Variants in DLG2 observed in about 807,000 individuals in gnomAD.
DLG2 encodes disks large homolog 2.
A neutral mutation model predicts 132.5 loss-of-function variants in DLG2; 45 were observed. The ratio of observed to expected loss-of-function variants is 0.34; its 90% CI spans 0.27 to 0.44. The LOEUF (loss-of-function observed/expected upper bound fraction) is 0.44. Ranked by LOEUF, DLG2 falls within the 20% of genes least tolerant of loss-of-function variation. The pLI is 1.00. For missense variants in DLG2, 1,045 were observed against 1,196.9 expected (o/e 0.87, Z 1.87); for synonymous variants, 424 against 419.6 (o/e 1.01, Z -0.13).
At chr11:84,443,679 T>C (rs1417196048) in intron 7 of DLG2, among the ~76,000 whole-genome samples, 1 of 152,218 alleles carries the variant, frequency 6.6e-6, no homozygotes, top group Admixed American at 6.5e-5. Context: ...TTCATACATT[T>C]ATTGGTTATT....
At chr11:83,834,938 T>A (rs950362542) in intron 16 of DLG2, among the ~76,000 whole-genome samples, 18 of 152,166 alleles carry the variant, frequency 1.2e-4, no homozygotes, top group African/African-American at 4.1e-4. Flanking sequence ...CTTAATGATG[T>A]AAGAATGAGA....
At chr11:84,506,136 C>T (rs927264552) in intron 7 of DLG2, among the ~76,000 whole-genome samples, 13 of 139,772 alleles carry the variant, frequency 9.3e-5, no homozygotes, top group South Asian at 2.3e-4. Context: ...AGTGCAGTGG[C>T]GGGATCTCGG....
At chr11:85,544,260 A>G (rs191356294) in intron 3 of DLG2, among the ~76,000 whole-genome samples, 89 of 152,202 alleles carry the variant, frequency 5.8e-4, no homozygotes, top group African/African-American at 2.1e-3. Context: ...CCTTTCCCCA[A>G]TGCTTGCTTT....
chr11:84,718,130 T>G (rs2061425379), intron 6 of DLG2, among the ~76,000 whole-genome samples: 1 of 152,100 alleles, frequency 6.6e-6, no homozygotes, highest in South Asian at 2.1e-4. Context: ...CCATCTATAA[T>G]TAACCTTCTG....
intron 8 of DLG2, among the ~76,000 whole-genome samples, chr11:84,181,369 A>G (rs1221758553): frequency 5.3e-5 from 8 of 151,966 alleles, no homozygotes; most frequent in Admixed American, 4.6e-4. Context: ...TATATTAATA[A>G]AGAAAATAAA....
chr11:83,671,197 T>C lies in DLG2; in HGVS notation c.1826-37872A>G, dbSNP rs539101175. Reference sequence around the variant, plus strand: ...CCTGCAACGTGGTATTCTATTAATATTAAATGAAAATGTGTGAATTATCTA... The same window carrying C: ...CCTGCAACGTGGTATTCTATTAATACTAAATGAAAATGTGTGAATTATCTA... On this transcript the variant is annotated intron_variant, in intron 18 of 27. Coordinates refer to ENST00000376104, the MANE Select transcript of DLG2 (RefSeq NM_001142699.3). 2.4e-4 allele frequency among the ~76,000 whole-genome samples: 37 copies of C among 152,362 alleles called. No homozygotes were observed. In the South Asian group the frequency reaches 5.0e-3, roughly 20 times the overall value.
At chr11:83,623,945 G>T (rs1400263446) in intron 19 of DLG2, among the ~76,000 whole-genome samples, 1 of 152,132 alleles carries the variant, frequency 6.6e-6, no homozygotes. Flanking sequence ...TGTCTAGTTT[G>T]TTCTAGAAAG....
intron 10 of DLG2, among the ~76,000 whole-genome samples, chr11:84,068,901 G>C (rs2096716687): frequency 6.6e-6 from 1 of 152,122 alleles, no homozygotes; most frequent in South Asian, 2.1e-4. Flanking sequence ...ATGATGTCTA[G>C]GAAATCTCAA....
At chr11:84,493,324 C>A (rs944774632) in intron 7 of DLG2, among the ~76,000 whole-genome samples, 9 of 152,038 alleles carry the variant, frequency 5.9e-5, no homozygotes, top group Non-Finnish European at 4.4e-5. Flanking sequence ...TTTTGCTAAG[C>A]AGAACAAAGA....
intron 10 of DLG2, among the ~76,000 whole-genome samples, chr11:84,065,039 C>T (rs4322419): frequency 0.79 from 120,860 of 152,128 alleles, 49,249 homozygotes; most frequent in Middle Eastern, 0.92. Context: ...CAATTCGACC[C>T]CTTCCTTAAA....
intron 3 of DLG2, among the ~76,000 whole-genome samples, chr11:85,310,886 T>C (rs1053432134): frequency 2.6e-5 from 4 of 152,210 alleles, no homozygotes; most frequent in Non-Finnish European, 5.9e-5. Flanking sequence ...ATGTATGCTC[T>C]GTAAATATCT....
intron 6 of DLG2, among the ~76,000 whole-genome samples, chr11:84,574,022 G>A (rs529014719): frequency 1.3e-3 from 193 of 152,184 alleles, no homozygotes; most frequent in Non-Finnish European, 2.2e-3. Context: ...GACTAGGGAG[G>A]GGCAAAACTT....
chr11:85,443,558 G>C (rs1328294649), intron 3 of DLG2, among the ~76,000 whole-genome samples: 3 of 152,172 alleles, frequency 2.0e-5, no homozygotes, highest in Non-Finnish European at 2.9e-5. Context: ...AGACTTGTGT[G>C]ACTCTTAAAT....
chr11:84,954,720 C>A (rs962062385), intron 6 of DLG2, among the ~76,000 whole-genome samples: 1 of 152,146 alleles, frequency 6.6e-6, no homozygotes, highest in Non-Finnish European at 1.5e-5. Context: ...ATTGTCTAGA[C>A]AGTCCCCTAT....
intron 15 of DLG2, among the ~76,000 whole-genome samples, chr11:83,925,406 T>C (rs2078786282): frequency 6.6e-6 from 1 of 152,182 alleles, no homozygotes; most frequent in South Asian, 2.1e-4. Flanking sequence ...TTTAATTTCT[T>C]TAAATTTGTT....
intron 19 of DLG2, among the ~76,000 whole-genome samples, chr11:83,602,939 T>C (rs2058773642): frequency 6.6e-6 from 1 of 152,176 alleles, no homozygotes; most frequent in African/African-American, 2.4e-5. Flanking sequence ...TCCTTCATGA[T>C]TCTATTTTCT....
intron 4 of DLG2, among the ~76,000 whole-genome samples, chr11:85,194,309 G>A (rs1182285795): frequency 2.0e-5 from 3 of 152,080 alleles, no homozygotes; most frequent in Non-Finnish European, 4.4e-5. Context: ...AATCTTAGTG[G>A]GGGAAAGAGT....
intron 3 of DLG2, among the ~76,000 whole-genome samples, chr11:85,543,037 T>G (rs2153210821): frequency 6.6e-6 from 1 of 152,308 alleles, no homozygotes; most frequent in South Asian, 2.1e-4. Context: ...GTGCAGAACT[T>G]GCAGGTTTGT....
At chr11:84,779,407 A>C (rs1472839860) in intron 6 of DLG2, among the ~76,000 whole-genome samples, 1 of 151,962 alleles carries the variant, frequency 6.6e-6, no homozygotes, top group East Asian at 1.9e-4. Flanking sequence ...TTATACATTG[A>C]TTTTATATCC....
Sources: gnomAD v4.1 joint callset for allele counts (sites outside exome capture counted in the v4.1 genomes callset) on GRCh38, gnomAD v4.1.1 for gene constraint, MANE v1.5 for transcripts, NCBI Gene and HGNC (gene_info 2026-07-23, HGNC 2026-07-21) for gene names.